Variants in HMGCLL1 observed in about 807,000 individuals in gnomAD.
The protein encoded by HMGCLL1 is 3-hydroxymethyl-3-methylglutaryl-CoA lyase, cytoplasmic.
Under a neutral mutation model 39.1 loss-of-function variants are expected in HMGCLL1, and 36 were observed. The observed-to-expected ratio is 0.92, with a 90% CI of 0.71 to 1.22. The LOEUF is 1.22. Ranked by LOEUF, HMGCLL1 falls within the 50% of genes most tolerant of loss-of-function variation. HMGCLL1 has a pLI of 0.00. For synonymous variants in HMGCLL1, 149 were observed against 144.0 expected, an observed-to-expected ratio of 1.03 and a Z score of -0.25; for missense variants, 451 against 416.5, an observed-to-expected ratio of 1.08 and a Z score of -0.72.
At chr6:55,445,753 C>T (rs1334406204) in intron 7 of HMGCLL1, among the ~76,000 whole-genome samples, 1 of 151,906 alleles carries the variant, frequency 6.6e-6, no homozygotes, top group African/African-American at 2.4e-5. Flanking sequence ...AACAGTTATT[C>T]TTTGTTTTGT....
At chr6:55,603,903 T>C in the HMGCLL1 span, among the ~76,000 whole-genome samples, 3 of 152,268 alleles carry the variant, frequency 2.0e-5, no homozygotes, top group Non-Finnish European at 2.9e-5. Context: ...CATATTGAAG[T>C]TAGACTGTTT....
the HMGCLL1 span, among the ~76,000 whole-genome samples, chr6:55,663,966 G>T: frequency 6.6e-6 from 1 of 151,750 alleles, no homozygotes; most frequent in Non-Finnish European, 1.5e-5. Context: ...TTTAAAGTCT[G>T]ATTTATCTTA....
chr6:55,533,705 T>C lies in HMGCLL1; in HGVS notation c.297+8024A>G, dbSNP rs1013708495. On this transcript the variant is annotated intron_variant, in intron 3 of 8. Coordinates refer to ENST00000274901, the MANE Select transcript of HMGCLL1 (RefSeq NM_001042406.2). ...ATCGAGACCATCCTGGCTAACACGG[T>C]GAAACCCCGTCTCTACTAAAAATAC... 2.1e-4 allele frequency among the ~76,000 whole-genome samples: 32 copies of C among 150,242 alleles called. 1 individual carries two copies. The highest frequency in any genetic ancestry group is 7.3e-4 in the African/African-American group (30 of 40,960).
At chr6:55,650,500 A>G in the HMGCLL1 span, among the ~76,000 whole-genome samples, 4 of 151,790 alleles carry the variant, frequency 2.6e-5, no homozygotes, top group Admixed American at 2.6e-4. Flanking sequence ...GTGCTGAGCC[A>G]CTGGAACTCA....
the HMGCLL1 span, among the ~76,000 whole-genome samples, chr6:55,641,866 A>AT: frequency 1.2e-4 from 16 of 129,334 alleles, no homozygotes; most frequent in East Asian, 8.8e-4. Context: ...TTTTTTTTTA[A>AT]TTTTTTTTTA....
chr6:55,586,217 AG>A, the HMGCLL1 span, among the ~76,000 whole-genome samples: 1 of 152,058 alleles, frequency 6.6e-6, no homozygotes, highest in Non-Finnish European at 1.5e-5. Context: ...ATAGAAGTAA[AG>A]GCAGTAGGTT....
chr6:55,456,495 T>C (rs1301955872), intron 7 of HMGCLL1, among the ~76,000 whole-genome samples: 1 of 152,154 alleles, frequency 6.6e-6, no homozygotes, highest in Admixed American at 6.5e-5. Context: ...GAAAAAGAGT[T>C]CTTTCTTGTC....
In HMGCLL1 at chr6:55,563,791, G is replaced by C. The variant is rs572035113; in HGVS notation, c.108+15157C>G. On this transcript the variant is annotated intron_variant, in intron 1 of 8. Coordinates refer to ENST00000274901, the MANE Select transcript of HMGCLL1 (RefSeq NM_001042406.2). ...TTTATTCTCCTTTCAAACAGTTTGA[G>C]AAGTTGTTAGGCTTCTCCTATTCTC... The C allele has an allele frequency of 8.8e-6, 8 of 913,532 alleles. No homozygotes were observed. The South Asian group carries it at 1.1e-4, about 13-fold the overall frequency. The allele number at this position is 913,532 out of a possible 1,614,324, so 56.6% of individuals were successfully genotyped here.
intron 1 of HMGCLL1, among the ~76,000 whole-genome samples, chr6:55,571,757 C>T (rs1771511195): frequency 6.6e-6 from 1 of 151,912 alleles, no homozygotes; most frequent in South Asian, 2.1e-4. Flanking sequence ...TGCAGTAAGT[C>T]GAGATCGCGC....
intron 1 of HMGCLL1, 57 bp from the exon 2 acceptor site, chr6:55,542,197 T>G (rs1769480245): frequency 8.4e-7 from 1 of 1,194,100 alleles, no homozygotes; most frequent in Non-Finnish European, 1.2e-6. Context: ...TACATTTGCT[T>G]ATTTGAAAAG....
At chr6:55,507,838 A>T (rs1478671851) in intron 5 of HMGCLL1, among the ~76,000 whole-genome samples, 1 of 151,890 alleles carries the variant, frequency 6.6e-6, no homozygotes, top group Non-Finnish European at 1.5e-5. Flanking sequence ...TTTGAAAACA[A>T]TTAAAAAAAG....
the HMGCLL1 span, among the ~76,000 whole-genome samples, chr6:55,674,219 G>A: frequency 6.6e-6 from 1 of 151,812 alleles, no homozygotes; most frequent in African/African-American, 2.4e-5. Context: ...AGAATATGGT[G>A]TCAAGTTATA....
At chr6:55,451,583 A>AAAAACAAAAACAAAAAC (rs576473555) in intron 7 of HMGCLL1, among the ~76,000 whole-genome samples, 1 of 66,738 alleles carries the variant, frequency 1.5e-5, no homozygotes, top group East Asian at 3.2e-4. Flanking sequence ...AAACAAAAAC[A>AAAAACAAAAACAAAAAC]AAAAAAGTCA....
the HMGCLL1 span, among the ~76,000 whole-genome samples, chr6:55,637,323 C>CA: frequency 6.6e-6 from 1 of 152,086 alleles, no homozygotes; most frequent in Non-Finnish European, 1.5e-5. Context: ...AAAACAAAAA[C>CA]AAAAACCAAC....
chr6:55,583,791 T>G (rs190146733), upstream of HMGCLL1, among the ~76,000 whole-genome samples: 1 of 152,296 alleles, frequency 6.6e-6, no homozygotes, highest in East Asian at 1.9e-4. Context: ...GGATATCTAA[T>G]GGATTTAATT....
In HMGCLL1 at chr6:55,516,671, C is replaced by T. The variant is rs1252134273; in HGVS notation, c.298-68G>A. ...ATGTTACCGAGAATCATTTTAGTTT[C>T]AGGTAGGTTATAGTTACATGGACAG... On this transcript the variant is annotated intron_variant, in intron 3 of 8. Transcript: ENST00000274901. The T allele has an allele frequency of 4.7e-6, 5 of 1,066,306 alleles. No homozygotes were observed. The South Asian group carries it at 7.6e-5, about 16-fold the overall frequency. The allele number at this position is 1,066,306 out of a possible 1,614,324, so 66.1% of individuals were successfully genotyped here.
chr6:55,650,603 G>T, the HMGCLL1 span, among the ~76,000 whole-genome samples: 1 of 151,996 alleles, frequency 6.6e-6, no homozygotes, highest in Admixed American at 6.6e-5. Flanking sequence ...ACCTTGCCTT[G>T]TCAAGGTCTT....
the HMGCLL1 span, among the ~76,000 whole-genome samples, chr6:55,633,312 G>A: frequency 1.3e-5 from 2 of 152,016 alleles, no homozygotes; most frequent in Admixed American, 1.3e-4. Context: ...ACAGGAATCA[G>A]AAGAAGGGGT....
the HMGCLL1 span, among the ~76,000 whole-genome samples, chr6:55,625,982 T>C: frequency 6.6e-6 from 1 of 152,148 alleles, no homozygotes; most frequent in Non-Finnish European, 1.5e-5. Flanking sequence ...AAAGTCGTCA[T>C]GGTGCAGGGA....
Sources: allele counts gnomAD v4.1 joint callset (sites outside exome capture counted in the v4.1 genomes callset), GRCh38; gene constraint gnomAD v4.1.1; transcripts MANE v1.5; gene names NCBI Gene and HGNC (gene_info 2026-07-23, HGNC 2026-07-21).